SESTD1: variants seen among roughly 807,000 people sequenced by gnomAD.
SESTD1 encodes the protein SEC14 domain and spectrin repeat-containing protein 1.
Under a neutral mutation model 101.7 loss-of-function variants are expected in SESTD1, and 43 were observed. That is an observed-to-expected ratio of 0.42 (90% CI 0.33 to 0.55). The LOEUF is 0.55. Ranked by LOEUF, SESTD1 falls within the 20% of genes least tolerant of loss-of-function variation. SESTD1 has a pLI of 0.07. For missense variants in SESTD1, 647 were observed against 815.1 expected (o/e 0.79, Z 2.51); for synonymous variants, 283 against 286.8 (o/e 0.99, Z 0.13).
intron 1 of SESTD1, among the ~76,000 whole-genome samples, chr2:179,197,216 AAAATG>A (rs1004579591): frequency 1.3e-5 from 2 of 152,184 alleles, no homozygotes; most frequent in Non-Finnish European, 2.9e-5. Context: ...TCAGCTATGG[AAAATG>A]AAATGAATGA....
intron 2 of SESTD1, 103 bp downstream of exon 2, chr2:179,191,684 C>T (rs2046322290): frequency 1.0e-6 from 1 of 961,850 alleles, no homozygotes; most frequent in African/African-American, 1.7e-5. Context: ...ACCTTTTAAA[C>T]AAAACTTTCA....
chr2:179,220,628 C>G (rs1351784577), intron 1 of SESTD1, among the ~76,000 whole-genome samples: 4 of 152,194 alleles, frequency 2.6e-5, no homozygotes, highest in Admixed American at 2.6e-4. Context: ...CATGTGTCCA[C>G]TAAATTCACC....
chr2:179,259,078 G>A (rs1294279134), intron 1 of SESTD1, among the ~76,000 whole-genome samples: 7 of 152,132 alleles, frequency 4.6e-5, no homozygotes, highest in Admixed American at 4.6e-4. Flanking sequence ...CAGGACTGGG[G>A]GAGTCCACCA....
At chr2:179,250,467 CT>C (rs1186075896) in intron 1 of SESTD1, among the ~76,000 whole-genome samples, 1 of 152,172 alleles carries the variant, frequency 6.6e-6, no homozygotes, top group African/African-American at 2.4e-5. Context: ...AGCAAAATGT[CT>C]TTTCTTACAG....
chr2:179,158,460 TTA>T (rs1452433468), intron 5 of SESTD1, among the ~76,000 whole-genome samples: 1 of 152,194 alleles, frequency 6.6e-6, no homozygotes, highest in Admixed American at 6.5e-5. Flanking sequence ...CAGTTAACAG[TTA>T]CATACAACGG....
Position 179,124,565 on chromosome 2 carries a change from T to C in SESTD1, c.973-7A>G, listed in dbSNP as rs1449904266. On this transcript the variant is annotated splice_polypyrimidine_tract_variant and splice_region_variant and intron_variant, in intron 10 of 17. Transcript: ENST00000428443. ...CATACACTGCAAACCATTCCTGTAA[T>C]CAAGATGTTACAAAGTAAACTAAGG... is the stretch of plus-strand genomic sequence containing the variant. The C allele has an allele frequency of 6.2e-7, 1 of 1,608,250 alleles. No homozygotes were observed. The highest frequency in any genetic ancestry group is 8.5e-7 in the Non-Finnish European group (1 of 1,175,590).
chr2:179,228,529 T>C lies in SESTD1; in HGVS notation c.-26+35970A>G, dbSNP rs561704458. Reference sequence around the variant, plus strand: ...CACATACTGTAGAACTAGGGACTCATCCTACATCAGGAAAGAACACAGGCT... The same window carrying C: ...CACATACTGTAGAACTAGGGACTCACCCTACATCAGGAAAGAACACAGGCT... On this transcript the variant is annotated intron_variant, in intron 1 of 17. Transcript: ENST00000428443. 2.0e-5 allele frequency among the ~76,000 whole-genome samples: 3 copies of C among 152,256 alleles called. No homozygotes were observed. The South Asian group carries it at 6.2e-4, about 31-fold the overall frequency.
rs116325559 is a variant in SESTD1, at chr2:179,180,417, G to A, written c.164+2663C>T. ...CTGGAGATGTTGGCAGATGTTCACA[G>A]CTGGAAGGAGTTAAACATTAACAGC... On this transcript the variant is annotated intron_variant, in intron 3 of 17. Transcript: ENST00000428443. 4.2e-3 allele frequency among the ~76,000 whole-genome samples: 642 copies of A among 152,262 alleles called. 2 individuals carry two copies. Among genetic ancestry groups the A allele is most frequent in the African/African-American group, 0.014 (594 of 41,564 alleles).
At chr2:179,235,694 T>C (rs1305548146) in intron 1 of SESTD1, among the ~76,000 whole-genome samples, 1 of 152,210 alleles carries the variant, frequency 6.6e-6, no homozygotes, top group Admixed American at 6.5e-5. Flanking sequence ...CACCCGCCTT[T>C]ACGCACTTGC....
intron 4 of SESTD1, chr2:179,174,364 G>T (rs1056513109): frequency 9.3e-6 from 4 of 430,130 alleles, no homozygotes; most frequent in African/African-American, 8.4e-5. Flanking sequence ...TATCAGAAAA[G>T]AAATCGCAAG....
At chr2:179,123,618 A>G in intron 12 of SESTD1, 97 bp downstream of exon 12, 1 of 722,154 alleles carries the variant, frequency 1.4e-6, no homozygotes, top group Admixed American at 2.9e-5. Flanking sequence ...AAATAATACT[A>G]ATTAGTTCAG....
At chr2:179,219,735 T>C (rs1032352091) in intron 1 of SESTD1, among the ~76,000 whole-genome samples, 1 of 152,204 alleles carries the variant, frequency 6.6e-6, no homozygotes, top group Admixed American at 6.5e-5. Context: ...TTATTGCAGG[T>C]GCCAGTGCAT....
intron 1 of SESTD1, among the ~76,000 whole-genome samples, chr2:179,197,315 G>C (rs1265476849): frequency 1.3e-5 from 2 of 151,934 alleles, no homozygotes; most frequent in Admixed American, 1.3e-4. Flanking sequence ...TACGTGAAAA[G>C]ACCAAATCTA....
intron 1 of SESTD1, among the ~76,000 whole-genome samples, chr2:179,260,700 T>C (rs2047470530): frequency 1.3e-5 from 2 of 152,186 alleles, no homozygotes. Context: ...CAGGCATGGA[T>C]AGCAAACTTA....
chr2:179,242,821 A>C (rs1224323562), intron 1 of SESTD1, among the ~76,000 whole-genome samples: 1 of 152,242 alleles, frequency 6.6e-6, no homozygotes, highest in East Asian at 1.9e-4. Flanking sequence ...TAAAGACTTA[A>C]ATGTAAGACC....
intron 1 of SESTD1, among the ~76,000 whole-genome samples, chr2:179,235,553 A>G (rs2047053389): frequency 6.6e-6 from 1 of 152,196 alleles, no homozygotes; most frequent in Admixed American, 6.5e-5. Context: ...AACACTTAAG[A>G]AAACCCTCAA....
chr2:179,146,398 T>A lies in SESTD1; in HGVS notation c.637+4A>T. The A allele has an allele frequency of 6.2e-7, 1 of 1,608,158 alleles. No individual in the cohort carries two copies. The highest frequency in any genetic ancestry group is 8.5e-7 in the Non-Finnish European group (1 of 1,176,478). On this transcript the variant is annotated splice_donor_region_variant and intron_variant, in intron 8 of 17. Transcript: ENST00000428443. ...TATTATCACAAATATTTTTTAAATC[T>A]TACCTGTCTGAAGAACTGTTTCAGG...
rs2044420076 is a variant in SESTD1 at position 179,107,892 on chromosome 2, C to G, written c.*2007G>C. The G allele has an allele frequency of 6.6e-6, 1 of 152,068 alleles. No individual in the cohort carries two copies. The highest frequency in any genetic ancestry group is 2.4e-5 in the African/African-American group (1 of 41,420). The allele number at this position is 152,068 out of a possible 1,614,324, so 9.4% of individuals were successfully genotyped here. On this transcript the variant is annotated 3_prime_UTR_variant, in exon 18 of 18. Coordinates refer to ENST00000428443, the MANE Select transcript of SESTD1 (RefSeq NM_178123.5). ...AAAGTTCATACTCATAGCAGTAAAG[C>G]CCCAAAGGACTGAGAAGATGATTCA...
chr2:179,197,644 G>T (rs1198284510), intron 1 of SESTD1, among the ~76,000 whole-genome samples: 1 of 152,078 alleles, frequency 6.6e-6, no homozygotes, highest in African/African-American at 2.4e-5. Context: ...AAGAGAGTGG[G>T]GGCCAATATT....
Sources: allele counts gnomAD v4.1 joint callset (sites outside exome capture counted in the v4.1 genomes callset), GRCh38; gene constraint gnomAD v4.1.1; transcripts MANE v1.5; gene names NCBI Gene and HGNC (gene_info 2026-07-23, HGNC 2026-07-21).